P2RY8: variants seen among roughly 807,000 people sequenced by gnomAD.
P2RY8 encodes the protein P2Y receptor family member 8, also known as S-geranylgeranyl-glutathione receptor P2RY8.
Under a neutral mutation model 10.0 loss-of-function variants are expected in P2RY8, and 6 were observed. The ratio of observed to expected loss-of-function variants is 0.60; its 90% confidence interval spans 0.33 to 1.19. P2RY8 has a LOEUF of 1.19. P2RY8 is among the 50% of genes most tolerant of loss of function. P2RY8 has a pLI of 0.04. For missense variants in P2RY8, 456 were observed against 542.0 expected, an observed-to-expected ratio of 0.84 and a Z score of 1.58; for synonymous variants, 276 against 252.5, an observed-to-expected ratio of 1.09 and a Z score of -0.88.
chrX:1,471,635 A>C (rs1176778440), intron 1 of P2RY8, among the ~76,000 whole-genome samples: 2 of 151,888 alleles, frequency 1.3e-5, no homozygotes, highest in African/African-American at 2.4e-5. Flanking sequence ...ATTGTGCATA[A>C]AGCTGCTCTT....
At chrX:1,534,953 G>C (rs1357928814) in intron 1 of P2RY8, among the ~76,000 whole-genome samples, 3 of 152,012 alleles carry the variant, frequency 2.0e-5, no homozygotes, top group African/African-American at 4.8e-5. Flanking sequence ...GCAGCCAGGC[G>C]GGGACCTGGC....
intron 1 of P2RY8, among the ~76,000 whole-genome samples, chrX:1,477,678 A>C (rs1603456293): frequency 6.6e-6 from 1 of 152,146 alleles, no homozygotes; most frequent in African/African-American, 2.4e-5. Flanking sequence ...GACACTGCTC[A>C]ACACCCTACA....
chrX:1,504,084 G>C (rs373602948), intron 1 of P2RY8, among the ~76,000 whole-genome samples: 1 of 151,962 alleles, frequency 6.6e-6, no homozygotes, highest in Non-Finnish European at 1.5e-5. Context: ...TTGGGAGGCC[G>C]AGGCGGGCGG....
chrX:1,478,038 AG>A (rs2149382430), intron 1 of P2RY8, among the ~76,000 whole-genome samples: 1 of 152,236 alleles, frequency 6.6e-6, no homozygotes, highest in African/African-American at 2.4e-5. Context: ...CCTGGTCTTC[AG>A]GAAGACAGAT....
chrX:1,502,360 C>T (rs1188633924), intron 1 of P2RY8, among the ~76,000 whole-genome samples: 1 of 152,146 alleles, frequency 6.6e-6, no homozygotes, highest in Non-Finnish European at 1.5e-5. Flanking sequence ...CAAACCTCCT[C>T]CCCTCCCTCC....
At chrX:1,512,141 A>G (rs1231429247) in intron 1 of P2RY8, among the ~76,000 whole-genome samples, 1 of 152,084 alleles carries the variant, frequency 6.6e-6, no homozygotes, top group Non-Finnish European at 1.5e-5. Context: ...ATGACCCCAC[A>G]CTGGGGGTAC....
chrX:1,468,358 G>A lies in P2RY8; in HGVS notation c.-24-1776C>T, dbSNP rs2091722113. Among the ~76,000 whole-genome samples, 14 of 152,216 alleles carry A rather than the reference G, an allele frequency of 9.2e-5. No individual in the cohort carries two copies. The South Asian group carries it at 2.9e-3, about 31-fold the overall frequency. On this transcript the variant is annotated intron_variant, in intron 1 of 1. Transcript: ENST00000381297. The stretch of plus-strand genomic sequence containing the variant: ...CGGCCACCCTCGTGTCTGTACCTGT[G>A]TGGTCTGGGGATCCAGCAAGCAGCC...
At chrX:1,478,248 T>TGTGTGTGTGTGTGTGTGTG (rs2091897709) in intron 1 of P2RY8, among the ~76,000 whole-genome samples, 1 of 103,176 alleles carries the variant, frequency 9.7e-6, no homozygotes, top group African/African-American at 4.5e-5. Context: ...CTGGCAGGCG[T>TGTGTGTGTGTGTGTGTGTG]ATGTGTGTGT....
intron 1 of P2RY8, among the ~76,000 whole-genome samples, chrX:1,473,141 ATGGG>A (rs2091816078): frequency 1.3e-5 from 1 of 78,296 alleles, no homozygotes; most frequent in Admixed American, 1.1e-4. Flanking sequence ...GGGTGGATGG[ATGGG>A]TGGGTGGATG....
intron 1 of P2RY8, among the ~76,000 whole-genome samples, chrX:1,524,230 A>C (rs2092412998): frequency 6.6e-6 from 1 of 152,022 alleles, no homozygotes; most frequent in Non-Finnish European, 1.5e-5. Context: ...CCCTTTGTAC[A>C]CAGTAGGCTT....
chrX:1,525,505 G>A (rs1207967015), intron 1 of P2RY8, among the ~76,000 whole-genome samples: 1 of 152,084 alleles, frequency 6.6e-6, no homozygotes, highest in Non-Finnish European at 1.5e-5. Context: ...CTGGAGAGAC[G>A]CAGGAAAGAT....
At chrX:1,519,455 C>A (rs1393046640) in intron 1 of P2RY8, among the ~76,000 whole-genome samples, 2 of 151,948 alleles carry the variant, frequency 1.3e-5, no homozygotes, top group African/African-American at 4.8e-5. Flanking sequence ...TCTCTGATCC[C>A]AATATTCTCT....
At chrX:1,518,078 C>T (rs1234621913) in intron 1 of P2RY8, among the ~76,000 whole-genome samples, 1 of 150,704 alleles carries the variant, frequency 6.6e-6, no homozygotes, top group Non-Finnish European at 1.5e-5. Flanking sequence ...CACTGCACTC[C>T]AGCCTGGGCA....
chrX:1,513,850 C>A (rs1451241046), intron 1 of P2RY8, among the ~76,000 whole-genome samples: 1 of 152,014 alleles, frequency 6.6e-6, no homozygotes, highest in Non-Finnish European at 1.5e-5. Context: ...TCTGTCTCCC[C>A]ATGGCCTCCT....
At chrX:1,505,420 G>GA (rs369448426) in intron 1 of P2RY8, among the ~76,000 whole-genome samples, 85 of 152,304 alleles carry the variant, frequency 5.6e-4, no homozygotes, top group African/African-American at 1.8e-3. Flanking sequence ...GGACAGGGCT[G>GA]AAAAATGGAA....
rs192847215 is a variant in P2RY8 at position 1,512,300 on chromosome X, G to A, written c.-25+24621C>T. Among the ~76,000 whole-genome samples the A allele has an allele frequency of 5.5e-3, 843 of 152,084 alleles. 4 individuals carry two copies. The highest frequency in any genetic ancestry group is 7.8e-3 in the Non-Finnish European group (530 of 67,960). On this transcript the variant is annotated intron_variant, in intron 1 of 1. Coordinates refer to ENST00000381297, the MANE Select transcript of P2RY8 (RefSeq NM_178129.5). ...AGTGGCTCAAGCCTGTAATCCCAGC[G>A]CACTGGGAGGCCGAGGTGGGTGGAT...
chrX:1,505,987 C>CTTTT (rs542485545), intron 1 of P2RY8, among the ~76,000 whole-genome samples: 49 of 108,824 alleles, frequency 4.5e-4, no homozygotes, highest in African/African-American at 7.6e-4. Context: ...TTTCTTTCTT[C>CTTTT]TTTTTTTTTT....
chrX:1,501,566 G>A (rs1481780066), intron 1 of P2RY8, among the ~76,000 whole-genome samples: 11 of 151,780 alleles, frequency 7.2e-5, no homozygotes, highest in African/African-American at 1.9e-4. Flanking sequence ...TCACTATATT[G>A]CCCCGTCTTA....
At chrX:1,477,363 TCTAC>T (rs767238056) in intron 1 of P2RY8, among the ~76,000 whole-genome samples, 413 of 152,130 alleles carry the variant, frequency 2.7e-3, no homozygotes, top group African/African-American at 9.3e-3. Flanking sequence ...CGATCATCTA[TCTAC>T]CTATCAATTT....
Sources: gnomAD v4.1 joint callset for allele counts (sites outside exome capture counted in the v4.1 genomes callset) on GRCh38, gnomAD v4.1.1 for gene constraint, MANE v1.5 for transcripts, NCBI Gene and HGNC (gene_info 2026-07-23, HGNC 2026-07-21) for gene names.